Variants in SPATA9 observed in about 807,000 individuals in gnomAD.
SPATA9 encodes the protein spermatogenesis-associated protein 9.
Under a neutral mutation model 25.5 loss-of-function variants are expected in SPATA9, and 27 were observed. The ratio of observed to expected loss-of-function variants is 1.06; its 90% confidence interval spans 0.78 to 1.46. The LOEUF (loss-of-function observed/expected upper bound fraction) is 1.46. Ranked by LOEUF, SPATA9 falls within the 40% of genes most tolerant of loss-of-function variation. SPATA9 has a pLI of 0.00. For missense variants in SPATA9, 282 were observed against 297.5 expected (o/e 0.95, Z 0.38); for synonymous variants, 102 against 105.7 (o/e 0.97, Z 0.21).
At chr5:95,654,137 A>T, downstream of SPATA9, 1 of 1,612,316 alleles carries the variant, frequency 6.2e-7, no homozygotes, top group Non-Finnish European at 8.5e-7. Context: ...AGAAGATGAC[A>T]TTAAAAAATC....
chr5:95,672,134 A>G (rs751573814), intron 3 of SPATA9, among the ~76,000 whole-genome samples: 3 of 152,146 alleles, frequency 2.0e-5, no homozygotes, highest in Non-Finnish European at 4.4e-5. Flanking sequence ...GAGTATTAAT[A>G]CAGAGACTGG....
At chr5:95,687,975 A>G (rs1432992638), upstream of SPATA9, among the ~76,000 whole-genome samples, 1 of 152,216 alleles carries the variant, frequency 6.6e-6, no homozygotes, top group Non-Finnish European at 1.5e-5. Context: ...GTGGTAATGT[A>G]AATTAGTACA....
chr5:95,682,012 C>T (rs1479791637), intron 2 of SPATA9, among the ~76,000 whole-genome samples: 1 of 152,104 alleles, frequency 6.6e-6, no homozygotes, highest in Non-Finnish European at 1.5e-5. Flanking sequence ...AAAATATATA[C>T]CTCCCTCCTC....
upstream of SPATA9, among the ~76,000 whole-genome samples, chr5:95,703,622 G>A (rs1372201197): frequency 2.0e-5 from 3 of 151,096 alleles, no homozygotes; most frequent in African/African-American, 7.3e-5. Flanking sequence ...CAATCAGAGT[G>A]AGAGCCCATC....
In SPATA9 at chr5:95,682,547, C is replaced by A. The variant is rs375328909; in HGVS notation, c.131G>T (p.Arg44Ile). ...EFKDEFPTIL[R>I]LSQSNQKREP... The stretch of plus-strand genomic sequence containing the variant: ...CATTACCTGATTAGACTGTGATAAT[C>A]TTAGGATGGTGGGAAATTCATCTTT... Residue 44 changes from arginine to isoleucine, a missense_variant, in exon 2 of 5, where the codon AGA becomes ATA. Physicochemically the swap from Arg to Ile is moderately conservative, Grantham distance 97. Transcript: ENST00000274432. The A allele has an allele frequency of 6.2e-7, 1 of 1,611,878 alleles. No individual in the cohort carries two copies. Among genetic ancestry groups the A allele is most frequent in the Non-Finnish European group, 8.5e-7 (1 of 1,178,390 alleles).
chr5:95,681,731 A>G (rs966199965), intron 2 of SPATA9, among the ~76,000 whole-genome samples: 1 of 152,186 alleles, frequency 6.6e-6, no homozygotes, highest in African/African-American at 2.4e-5. Context: ...GGAATGAAAT[A>G]TGTATACTTT....
chr5:95,672,158 G>A (rs1051911297), intron 3 of SPATA9, among the ~76,000 whole-genome samples: 8 of 152,140 alleles, frequency 5.3e-5, no homozygotes, highest in Non-Finnish European at 1.0e-4. Flanking sequence ...TGAGACTTGG[G>A]TAGATGTGAG....
downstream of SPATA9, chr5:95,654,313 A>G (rs776997205): frequency 1.2e-6 from 2 of 1,608,320 alleles, no homozygotes; most frequent in African/African-American, 2.7e-5. Context: ...GACTGCAGGT[A>G]ATATTCAATT....
At chr5:95,695,644 G>A (rs1424278332) in intron 1 of SPATA9, among the ~76,000 whole-genome samples, 2 of 152,104 alleles carry the variant, frequency 1.3e-5, no homozygotes, top group East Asian at 1.9e-4. Context: ...ATATATTGTT[G>A]AGAACTCCCT....
the SPATA9 span, among the ~76,000 whole-genome samples, chr5:95,707,333 T>C: frequency 1.3e-5 from 2 of 152,174 alleles, no homozygotes; most frequent in African/African-American, 2.4e-5. Context: ...AGAACAAGAA[T>C]AATTGTTGTA....
At chr5:95,726,938 G>A in the SPATA9 span, among the ~76,000 whole-genome samples, 4 of 151,708 alleles carry the variant, frequency 2.6e-5, no homozygotes, top group Admixed American at 1.3e-4. Flanking sequence ...ACATTAACTA[G>A]TAGTAAAGCT....
At chr5:95,708,172 G>A in the SPATA9 span, among the ~76,000 whole-genome samples, 23 of 152,178 alleles carry the variant, frequency 1.5e-4, no homozygotes, top group Non-Finnish European at 2.9e-4. Context: ...AGATTTTCTC[G>A]AACTTTTGGA....
chr5:95,719,453 A>C, the SPATA9 span, among the ~76,000 whole-genome samples: 33 of 152,318 alleles, frequency 2.2e-4, 1 homozygote, highest in African/African-American at 5.8e-4. Context: ...TGTAATAAGG[A>C]TATCAGGGAA....
upstream of SPATA9, among the ~76,000 whole-genome samples, chr5:95,687,141 T>TG (rs1753769603): frequency 6.6e-6 from 1 of 152,222 alleles, no homozygotes; most frequent in Non-Finnish European, 1.5e-5. Flanking sequence ...AGATGCCACT[T>TG]GCCAGGCTGC....
At chr5:95,686,980 C>T (rs1231822794), upstream of SPATA9, among the ~76,000 whole-genome samples, 1 of 152,212 alleles carries the variant, frequency 6.6e-6, no homozygotes, top group East Asian at 1.9e-4. Flanking sequence ...GGAAAAGAGG[C>T]ATTCTCTCGG....
At chr5:95,693,374 G>T (rs550766026) in intron 1 of SPATA9, among the ~76,000 whole-genome samples, 1 of 152,288 alleles carries the variant, frequency 6.6e-6, no homozygotes, top group East Asian at 1.9e-4. Context: ...ATCCATAATA[G>T]CTGCTGTACA....
chr5:95,661,621 T>C lies in SPATA9; in HGVS notation c.474+2332A>G, dbSNP rs554791892. ...GTATTTACATCCTAGCTTAGTTGAA[T>C]GCCAATTTTGTATAAGATTCACATT... On this transcript the variant is annotated intron_variant, in intron 4 of 4. Transcript: ENST00000274432. Among the ~76,000 whole-genome samples, 3 of 152,318 alleles carry C rather than the reference T, an allele frequency of 2.0e-5. No individual in the cohort carries two copies. The East Asian group carries it at 5.8e-4, about 29-fold the overall frequency.
chr5:95,668,035 C>T (rs1234553447), intron 3 of SPATA9, among the ~76,000 whole-genome samples: 1 of 152,156 alleles, frequency 6.6e-6, no homozygotes, highest in Non-Finnish European at 1.5e-5. Flanking sequence ...CTGATGCTGC[C>T]ATGCTTCCTA....
chr5:95,653,266 C>T lies in SPATA9; in HGVS notation c.*448-57G>A, dbSNP rs1290940311. 4 of 1,548,512 alleles carry T rather than the reference C, an allele frequency of 2.6e-6. No homozygotes were observed. In the African/African-American group the frequency reaches 5.5e-5, roughly 21 times the overall value. On this transcript the variant is annotated intron_variant and NMD_transcript_variant, in intron 8 of 8. Transcript: ENST00000316087. ...TACCCACCTTCTCTTGCTGTAATAG[C>T]TATCTGGTTGTGCCTGTAAGAGCCA...
Sources: allele counts gnomAD v4.1 joint callset (sites outside exome capture counted in the v4.1 genomes callset), GRCh38; gene constraint gnomAD v4.1.1; transcripts MANE v1.5; gene names NCBI Gene and HGNC (gene_info 2026-07-23, HGNC 2026-07-21).